Variants in SLC26A3 observed in about 807,000 individuals in gnomAD.
SLC26A3 encodes the protein solute carrier family 26 member 3.
A neutral mutation model predicts 85.6 loss-of-function variants in SLC26A3; 64 were observed. The ratio of observed to expected loss-of-function variants is 0.75; its 90% CI spans 0.61 to 0.92. SLC26A3 has a LOEUF of 0.92. Ranked by LOEUF, SLC26A3 falls within the 40% of genes least tolerant of loss-of-function variation. The pLI is 0.00. For synonymous variants in SLC26A3, 349 were observed against 336.0 expected (o/e 1.04, Z -0.42); for missense variants, 922 against 927.3 (o/e 0.99, Z 0.07).
chr7:107,791,965 C>T lies in SLC26A3; in HGVS notation c.272-25G>A, dbSNP rs1349375754. 14 of 1,357,526 alleles carry T rather than the reference C, an allele frequency of 1.0e-5. No individual in the cohort carries two copies. The East Asian group carries it at 2.5e-4, about 24-fold the overall frequency. 84.1% of individuals were successfully genotyped at this position (1,357,526 alleles called of 1,614,324 possible). A position where few individuals can be genotyped will look rare whatever the true frequency, so the allele number is the denominator to read the frequency against. ...CCTGTAAACACACAAGCAGCAGAGC[C>T]CTTACTCTGTGCAAGAGGAATCAAA... On this transcript the variant is annotated intron_variant, in intron 3 of 20. Transcript: ENST00000340010.
At chr7:107,769,234 C>A (rs1793964517) in intron 18 of SLC26A3, among the ~76,000 whole-genome samples, 1 of 152,028 alleles carries the variant, frequency 6.6e-6, no homozygotes. Context: ...TGGATATATA[C>A]CCAAAGGAAT....
At chr7:107,790,816 C>T (rs1794384253) in intron 5 of SLC26A3, among the ~76,000 whole-genome samples, 1 of 152,052 alleles carries the variant, frequency 6.6e-6, no homozygotes, top group Admixed American at 6.6e-5. Context: ...CTCTCCATTC[C>T]CCTTCTTCCT....
At chr7:107,775,828 A>G (rs1261650991) in intron 15 of SLC26A3, among the ~76,000 whole-genome samples, 1 of 152,254 alleles carries the variant, frequency 6.6e-6, no homozygotes, top group Non-Finnish European at 1.5e-5. Context: ...CATTTTGCAA[A>G]CAACAACAAA....
At chr7:107,788,588 G>T (rs185050435) in intron 6 of SLC26A3, among the ~76,000 whole-genome samples, 1 of 151,956 alleles carries the variant, frequency 6.6e-6, no homozygotes, top group Admixed American at 6.5e-5. Flanking sequence ...GGGACAAAAT[G>T]GTAAAGCTTT....
Position 107,794,596 on chromosome 7 carries a change from G to T in SLC26A3, c.-87C>A. On this transcript the variant is annotated splice_region_variant and 5_prime_UTR_variant, in exon 2 of 21. Transcript: ENST00000340010. The stretch of plus-strand genomic sequence containing the variant: ...TTCTTGCCTTTAGCAGGTTAAAAAT[G>T]CCTGAAACCAAACAGAGCTTGCTTC... The T allele has an allele frequency of 7.0e-7, 1 of 1,424,968 alleles. No homozygotes were observed. Among genetic ancestry groups the T allele is most frequent in the Non-Finnish European group, 9.9e-7 (1 of 1,009,186 alleles). The allele number at this position is 1,424,968 out of a possible 1,614,324, so 88.3% of individuals were successfully genotyped here.
chr7:107,765,745 T>C lies in SLC26A3; in HGVS notation c.*110A>G. ...ATCTTGTTCCAAAGTTTGAAACATATTCTGTCAAAAATACTCTTCGTACAA... is the reference window on the plus strand; with the variant it reads ...ATCTTGTTCCAAAGTTTGAAACATACTCTGTCAAAAATACTCTTCGTACAA... On this transcript the variant is annotated 3_prime_UTR_variant, in exon 21 of 21. Transcript: ENST00000340010. 1.2e-6 allele frequency: 1 copy of C among 835,414 alleles called. No homozygotes were observed. Among genetic ancestry groups the C allele is most frequent in the Non-Finnish European group, 2.0e-6 (1 of 490,918 alleles). 51.8% of individuals were successfully genotyped at this position (835,414 alleles called of 1,614,324 possible).
intron 13 of SLC26A3, 79 bp from the exon 14 acceptor site, chr7:107,776,785 A>AGTTT (rs56748810): frequency 0.048 from 62,354 of 1,301,800 alleles, 1,806 homozygotes; most frequent in South Asian, 0.09. Flanking sequence ...TTTTTCCAGC[A>AGTTT]TACCAAAGCA....
intron 4 of SLC26A3, among the ~76,000 whole-genome samples, chr7:107,791,553 AGT>A (rs920545462): frequency 2.1e-4 from 32 of 152,234 alleles, no homozygotes; most frequent in Non-Finnish European, 4.0e-4. Flanking sequence ...TGGAGGTTGC[AGT>A]GAGCTGAGAT....
At chr7:107,777,624 A>G (rs1312908178) in intron 13 of SLC26A3, among the ~76,000 whole-genome samples, 1 of 152,186 alleles carries the variant, frequency 6.6e-6, no homozygotes, top group Admixed American at 6.6e-5. Context: ...AATAAAAATT[A>G]AAAAGATGCT....
intron 8 of SLC26A3, among the ~76,000 whole-genome samples, chr7:107,786,543 G>A (rs1314013988): frequency 6.7e-6 from 1 of 149,166 alleles, no homozygotes; most frequent in African/African-American, 2.5e-5. Context: ...GTCCCTGCTT[G>A]TCTTGTTTGT....
intron 17 of SLC26A3, among the ~76,000 whole-genome samples, chr7:107,773,235 A>T (rs775029421): frequency 7.9e-5 from 12 of 152,168 alleles, no homozygotes; most frequent in Non-Finnish European, 1.6e-4. Flanking sequence ...AAACAAAAGG[A>T]TCCACTCTTA....
At chr7:107,783,405 T>C in intron 8 of SLC26A3, 53 bp from the exon 9 acceptor site, 1 of 1,599,134 alleles carries the variant, frequency 6.3e-7, no homozygotes, top group Non-Finnish European at 8.6e-7. Context: ...TATAAACTGA[T>C]ATAACCATTG....
chr7:107,793,774 C>A lies in SLC26A3; in HGVS notation c.239G>T (p.Gly80Val). 2 of 1,613,998 alleles carry A rather than the reference C, an allele frequency of 1.2e-6. No homozygotes were observed. Among genetic ancestry groups the A allele is most frequent in the Non-Finnish European group, 1.7e-6 (2 of 1,179,958 alleles). ...TACGGCCACAATCCCTGTGCTGATACCAGAAACAATATCACTGAGCAACCA... is the reference window on the plus strand; with the variant it reads ...TACGGCCACAATCCCTGTGCTGATAACAGAAACAATATCACTGAGCAACCA... ...KEWLLSDIVS[G>V]ISTGIVAVLQ... The change falls in exon 3 of 21, where the codon GGT (glycine) becomes GTT (valine). Residue 80 changes from glycine (G) to valine (V), a missense_variant. Transcript: ENST00000340010.
At chr7:107,767,447 T>C in intron 20 of SLC26A3, 132 bp downstream of exon 20, 1 of 720,326 alleles carries the variant, frequency 1.4e-6, no homozygotes, top group Non-Finnish European at 2.5e-6. Flanking sequence ...TGCTTCAGTT[T>C]TCTAGGGATG....
chr7:107,773,771 G>A (rs776981417), intron 17 of SLC26A3, 149 bp downstream of exon 17: 115 of 676,876 alleles, frequency 1.7e-4, no homozygotes, highest in Non-Finnish European at 2.6e-4. Context: ...GGCTGGTCTC[G>A]AAGTCCTGAC....
chr7:107,793,662 A>T, intron 3 of SLC26A3, 80 bp downstream of exon 3: 1 of 1,067,072 alleles, frequency 9.4e-7, no homozygotes, highest in Admixed American at 2.0e-5. Flanking sequence ...AACCTAGTGA[A>T]TATACGAAAA....
chr7:107,776,076 C>T (rs1794110106), intron 15 of SLC26A3: 1 of 316,130 alleles, frequency 3.2e-6, no homozygotes, highest in Non-Finnish European at 6.0e-6. Context: ...TATACTGAAT[C>T]TCTTTGAGGA....
intron 1 of SLC26A3, among the ~76,000 whole-genome samples, chr7:107,802,021 G>T (rs537081179): frequency 1.5e-4 from 22 of 151,218 alleles, no homozygotes; most frequent in African/African-American, 5.1e-4. Flanking sequence ...GAACCTGGGA[G>T]GCAGAGGTTG....
At chr7:107,773,516 A>G (rs913271296) in intron 17 of SLC26A3, among the ~76,000 whole-genome samples, 1 of 152,212 alleles carries the variant, frequency 6.6e-6, no homozygotes, top group African/African-American at 2.4e-5. Context: ...TTCTAATTAA[A>G]TGCATGTTAC....
Sources: allele counts gnomAD v4.1 joint callset (sites outside exome capture counted in the v4.1 genomes callset), GRCh38; gene constraint gnomAD v4.1.1; transcripts MANE v1.5; gene names NCBI Gene and HGNC (gene_info 2026-07-23, HGNC 2026-07-21).